Variants in CASK observed in about 807,000 individuals in gnomAD.
The protein encoded by CASK is peripheral plasma membrane protein CASK.
A neutral mutation model predicts 82.9 loss-of-function variants in CASK; 4 were observed. The ratio of observed to expected loss-of-function variants is 0.05; its 90% CI spans 0.02 to 0.11. The LOEUF (loss-of-function observed/expected upper bound fraction) is 0.11. Ranked by LOEUF, CASK falls within the 10% of genes least tolerant of loss-of-function variation. CASK has a pLI of 1.00. For missense variants in CASK, 358 were observed against 720.9 expected (o/e 0.50, Z 5.76); for synonymous variants, 259 against 253.5 (o/e 1.02, Z -0.20).
intron 1 of CASK, among the ~76,000 whole-genome samples, chrX:41,897,634 G>A (rs950839449): frequency 5.4e-5 from 6 of 111,291 alleles, no homozygotes. Context: ...AGAGCTCAAA[G>A]GGACTTTAGA....
chrX:41,825,294 T>C (rs1294224531), intron 2 of CASK, among the ~76,000 whole-genome samples: 1 of 111,480 alleles, frequency 9.0e-6, no homozygotes, highest in African/African-American at 3.3e-5. Flanking sequence ...CCCTGTTTGA[T>C]ATACTACCCC....
At chrX:41,795,818 G>C (rs2069840924) in intron 2 of CASK, among the ~76,000 whole-genome samples, 1 of 111,218 alleles carries the variant, frequency 9.0e-6, no homozygotes. Context: ...AAGGAAGGCG[G>C]GGCCTTAACT....
At chrX:41,901,867 C>T (rs901736846) in intron 1 of CASK, among the ~76,000 whole-genome samples, 5 of 111,879 alleles carry the variant, frequency 4.5e-5, no homozygotes, top group Non-Finnish European at 7.5e-5. Flanking sequence ...GAGCCTGAGT[C>T]TTAAGGGACT....
chrX:41,569,633 A>G, intron 16 of CASK, 35 bp downstream of exon 16: 1 of 992,547 alleles, frequency 1.0e-6, no homozygotes, highest in South Asian at 2.0e-5. Context: ...AAAAAAATTA[A>G]GGAAGGCAAA....
intron 3 of CASK, among the ~76,000 whole-genome samples, chrX:41,785,921 C>T (rs1264889906): frequency 8.9e-6 from 1 of 112,119 alleles, no homozygotes; most frequent in Non-Finnish European, 1.9e-5. Context: ...CTCATACTCT[C>T]ACTTGTCCTC....
intron 8 of CASK, among the ~76,000 whole-genome samples, chrX:41,654,392 C>T (rs1014796668): frequency 9.0e-6 from 1 of 111,574 alleles, no homozygotes; most frequent in African/African-American, 3.3e-5. Flanking sequence ...AGAATAGGGC[C>T]GGATGCTGTG....
chrX:41,573,390 C>A (rs992356063), intron 15 of CASK, among the ~76,000 whole-genome samples: 5 of 109,974 alleles, frequency 4.5e-5, no homozygotes, highest in African/African-American at 1.7e-4. Context: ...TGTTTTCAGG[C>A]GTTATTTCTT....
At chrX:41,869,812 CA>C (rs72190097) in intron 1 of CASK, among the ~76,000 whole-genome samples, 101 of 12,107 alleles carry the variant, frequency 8.3e-3, no homozygotes, top group African/African-American at 0.038. Flanking sequence ...GACTCTGTCT[CA>C]AAAAAAAAAA....
intron 13 of CASK, 38 bp downstream of exon 13, chrX:41,589,477 T>C (rs200545991): frequency 1.3e-5 from 13 of 994,743 alleles, no homozygotes; most frequent in Admixed American, 4.4e-5. Flanking sequence ...GTGGCAAATA[T>C]GATGATGCCA....
Position 41,922,915 on chromosome X carries a change from C to G in CASK, c.59+15G>C, listed in dbSNP as rs1180816282. ...GCATTTTTCCACACTCCCGCTCCCTCGCGTGGAGACTCACTTTCCGATCAC... is the reference window on the plus strand; with the variant it reads ...GCATTTTTCCACACTCCCGCTCCCTGGCGTGGAGACTCACTTTCCGATCAC... On this transcript the variant is annotated intron_variant, in intron 1 of 26. Coordinates refer to ENST00000378163, the MANE Select transcript of CASK (RefSeq NM_001367721.1). The G allele has an allele frequency of 1.7e-6, 2 of 1,202,824 alleles. No homozygotes were observed. The highest frequency in any genetic ancestry group is 3.5e-5 in the African/African-American group (2 of 57,076).
intron 11 of CASK, among the ~76,000 whole-genome samples, chrX:41,614,817 C>T (rs1379381860): frequency 9.0e-6 from 1 of 110,563 alleles, no homozygotes; most frequent in Admixed American, 9.6e-5. Flanking sequence ...CTGCGCCTGG[C>T]CTGGATAATT....
intron 11 of CASK, among the ~76,000 whole-genome samples, chrX:41,611,640 CCTCTCT>C (rs1336715075): frequency 2.1e-5 from 1 of 46,751 alleles, no homozygotes; most frequent in Non-Finnish European, 4.0e-5. Context: ...TCTCCCTCTC[CCTCTCT>C]CTCTCCCTCT....
intron 6 of CASK, among the ~76,000 whole-genome samples, chrX:41,666,069 A>G (rs1481448888): frequency 8.9e-6 from 1 of 112,563 alleles, no homozygotes; most frequent in East Asian, 2.7e-4. Flanking sequence ...AACAATAGTT[A>G]GTAATATTTT....
chrX:41,808,640 G>A (rs758987113), intron 2 of CASK, among the ~76,000 whole-genome samples: 4 of 112,231 alleles, frequency 3.6e-5, no homozygotes, highest in South Asian at 3.8e-4. Flanking sequence ...AGCTCCCAGC[G>A]TGAGCGACGC....
At chrX:41,791,289 T>A (rs192317755) in intron 2 of CASK, among the ~76,000 whole-genome samples, 1 of 110,540 alleles carries the variant, frequency 9.0e-6, no homozygotes, top group East Asian at 2.8e-4. Flanking sequence ...GTGTAGTCTT[T>A]ATCCCTCACC....
In CASK at chrX:41,876,027, G is replaced by T. The variant is rs921455819; in HGVS notation, c.60-22800C>A. On this transcript the variant is annotated intron_variant, in intron 1 of 26. Coordinates refer to ENST00000378163, the MANE Select transcript of CASK (RefSeq NM_001367721.1). ...AGTCAAAAGCATCCACAGGTAAAAA[G>T]TCCTATACTTACCATAGAAGCATAA... Among the ~76,000 whole-genome samples the T allele has an allele frequency of 4.5e-5, 5 of 111,158 alleles. No individual in the cohort carries two copies. In the Admixed American group the frequency reaches 4.8e-4, roughly 11 times the overall value.
At chrX:41,567,174 A>G (rs753060979) in intron 16 of CASK, among the ~76,000 whole-genome samples, 4 of 112,368 alleles carry the variant, frequency 3.6e-5, no homozygotes, top group Admixed American at 9.4e-5. Context: ...GGACATAGGC[A>G]TGGGCAAGGA....
At chrX:41,726,123 A>T (rs2068256068) in intron 5 of CASK, among the ~76,000 whole-genome samples, 1 of 111,495 alleles carries the variant, frequency 9.0e-6, no homozygotes, top group African/African-American at 3.3e-5. Flanking sequence ...TAGTTTTTGT[A>T]TTTTTTATAG....
chrX:41,888,170 G>A (rs1483878687), intron 1 of CASK, among the ~76,000 whole-genome samples: 1 of 111,186 alleles, frequency 9.0e-6, no homozygotes, highest in Non-Finnish European at 1.9e-5. Flanking sequence ...CTCTGCCTAC[G>A]CTTTCTAGTA....
Sources: allele counts gnomAD v4.1 joint callset (sites outside exome capture counted in the v4.1 genomes callset), GRCh38; gene constraint gnomAD v4.1.1; transcripts MANE v1.5; gene names NCBI Gene and HGNC (gene_info 2026-07-23, HGNC 2026-07-21).